Variants in AKIRIN2 observed in about 807,000 individuals in gnomAD.
AKIRIN2 encodes the protein akirin-2.
Under a neutral mutation model 29.3 loss-of-function variants are expected in AKIRIN2, and 6 were observed. The ratio of observed to expected loss-of-function variants is 0.20; its 90% CI spans 0.11 to 0.40. The LOEUF is 0.40. Ranked by LOEUF, AKIRIN2 falls within the 10% of genes least tolerant of loss-of-function variation. AKIRIN2 has a pLI of 1.00. For missense variants in AKIRIN2, 210 were observed against 276.1 expected (o/e 0.76, Z 1.70); for synonymous variants, 128 against 117.5 (o/e 1.09, Z -0.58).
intron 1 of AKIRIN2, among the ~76,000 whole-genome samples, chr6:87,699,418 C>G (rs1198530265): frequency 2.1e-5 from 3 of 146,106 alleles, no homozygotes; most frequent in Non-Finnish European, 4.5e-5. Flanking sequence ...CTTGTTTTCT[C>G]AAGTAAACTT....
chr6:87,701,271 G>A (rs1771459374), intron 1 of AKIRIN2, among the ~76,000 whole-genome samples, 179 bp downstream of exon 1: 2 of 152,100 alleles, frequency 1.3e-5, no homozygotes, highest in South Asian at 4.1e-4. Context: ...CATTTCTATT[G>A]TGTCTTATTA....
intron 3 of AKIRIN2, among the ~76,000 whole-genome samples, chr6:87,676,202 C>T (rs1018570934): frequency 3.9e-5 from 6 of 152,112 alleles, no homozygotes; most frequent in South Asian, 2.1e-4. Context: ...CGGTGGCTCA[C>T]GCCTGTAATC....
chr6:87,701,667 A>G lies in AKIRIN2; in HGVS notation c.18T>C (p.Thr6=). 6.8e-7 allele frequency: 1 copy of G among 1,459,930 alleles called. No homozygotes were observed. Among genetic ancestry groups the G allele is most frequent in the East Asian group, 2.7e-5 (1 of 36,934 alleles). The allele number at this position is 1,459,930 out of a possible 1,614,324, so 90.4% of individuals were successfully genotyped here. ...GGTCGAAATCCAGAGTCCTTTTCAG[A>G]GTGGCTCCGCACGCCATGGCCGGGG... MACGA[T]LKRTLDFDPL... The change falls in exon 1 of 5, where the codon ACT becomes ACC. Residue 6 remains threonine, a synonymous_variant. Transcript: ENST00000257787.
rs575882003 is a variant in AKIRIN2, at chr6:87,701,747, G to A, written c.-63C>T. 153 of 1,213,330 alleles carry A rather than the reference G, an allele frequency of 1.3e-4. 1 individual carries two copies. In the African/African-American group the frequency reaches 1.9e-3, roughly 15 times the overall value. 75.2% of individuals were successfully genotyped at this position (1,213,330 alleles called of 1,614,324 possible). ...CGGGGACGGGTGACGAAAGAAGAGGGTGAGGGAAGGGGTGAAGAGCGGGAA... is the reference window on the plus strand; with the variant it reads ...CGGGGACGGGTGACGAAAGAAGAGGATGAGGGAAGGGGTGAAGAGCGGGAA... On this transcript the variant is annotated 5_prime_UTR_variant, in exon 1 of 5. Coordinates refer to ENST00000257787, the MANE Select transcript of AKIRIN2 (RefSeq NM_018064.4).
chr6:87,681,551 A>C, intron 2 of AKIRIN2, 69 bp downstream of exon 2: 1 of 1,482,678 alleles, frequency 6.7e-7, no homozygotes. Flanking sequence ...TAAATGACTA[A>C]AGACAACTTG....
chr6:87,699,974 T>C (rs1771430881), intron 1 of AKIRIN2, among the ~76,000 whole-genome samples: 5 of 152,194 alleles, frequency 3.3e-5, no homozygotes, highest in Admixed American at 6.5e-5. Flanking sequence ...ACCATTTCAC[T>C]AAAAGACAAA....
Position 87,675,450 on chromosome 6 carries a change from T to C in AKIRIN2, c.*147A>G. ...CAGGGAAATTTCCAAAACCAGTTGC[T>C]GCTGCCTAAGAGTGGTTGCCACTGA... On this transcript the variant is annotated 3_prime_UTR_variant, in exon 5 of 5. Coordinates refer to ENST00000257787, the MANE Select transcript of AKIRIN2 (RefSeq NM_018064.4). 9.0e-7 allele frequency: 1 copy of C among 1,112,048 alleles called. No homozygotes were observed. The highest frequency in any genetic ancestry group is 1.3e-6 in the Non-Finnish European group (1 of 756,378). 68.9% of individuals were successfully genotyped at this position (1,112,048 alleles called of 1,614,324 possible).
rs1244563840 is a variant in AKIRIN2 at position 87,701,434 on chromosome 6, C to G, written c.235+16G>C. ...GTTCTCTCCACTACCCCGGCGGCCG[C>G]GGGGCCGGGTCCCACCTGTGGTGAG... On this transcript the variant is annotated intron_variant, in intron 1 of 4. Transcript: ENST00000257787. 3.9e-6 allele frequency: 6 copies of G among 1,530,970 alleles called. No homozygotes were observed. The highest frequency in any genetic ancestry group is 5.3e-6 in the Non-Finnish European group (6 of 1,141,084). The allele number at this position is 1,530,970 out of a possible 1,614,324, so 94.8% of individuals were successfully genotyped here.
chr6:87,683,866 G>A (rs372631621), intron 1 of AKIRIN2, among the ~76,000 whole-genome samples: 12 of 152,154 alleles, frequency 7.9e-5, no homozygotes, highest in African/African-American at 2.6e-4. Flanking sequence ...TGGTCAGGCC[G>A]GTCTCGAACT....
intron 1 of AKIRIN2, among the ~76,000 whole-genome samples, chr6:87,698,768 G>C (rs556564438): frequency 5.3e-5 from 8 of 152,124 alleles, no homozygotes; most frequent in Non-Finnish European, 1.2e-4. Context: ...GTATTAAGTT[G>C]CAACAGTTTG....
At chr6:87,694,178 A>T (rs1421165112) in intron 1 of AKIRIN2, among the ~76,000 whole-genome samples, 1 of 152,214 alleles carries the variant, frequency 6.6e-6, no homozygotes, top group African/African-American at 2.4e-5. Context: ...ACATTAACAG[A>T]AATGAAAATG....
rs1277369587 is a variant in AKIRIN2, at chr6:87,677,973, T to C, written c.380-6A>G. On this transcript the variant is annotated splice_region_variant and splice_polypyrimidine_tract_variant and intron_variant, in intron 2 of 4. Transcript: ENST00000257787. ...GGATGCTGCAGATGAAGTCCCTATG[T>C]ACAATGAGGACAAAAAATAGCACCT... 1.2e-6 allele frequency: 2 copies of C among 1,608,202 alleles called. No individual in the cohort carries two copies. Among genetic ancestry groups the C allele is most frequent in the Non-Finnish European group, 1.7e-6 (2 of 1,177,410 alleles).
At position 87,681,084 on chromosome 6, in the gene AKIRIN2, C is replaced by G. The variant is rs922431659; in HGVS notation, c.379+536G>C. On this transcript the variant is annotated intron_variant, in intron 2 of 4. Transcript: ENST00000257787. ...ACAAAGTCTCACTCTGTCGCCCAAG[C>G]TGGAGTGCAGTGGCATGATCTCAGC... 1.2e-4 allele frequency among the ~76,000 whole-genome samples: 19 copies of G among 152,172 alleles called. No homozygotes were observed. In the East Asian group the frequency reaches 3.7e-3, roughly 29 times the overall value.
intron 1 of AKIRIN2, among the ~76,000 whole-genome samples, 193 bp from the exon 2 acceptor site, chr6:87,681,956 G>C (rs1771128729): frequency 6.6e-6 from 1 of 152,152 alleles, no homozygotes; most frequent in African/African-American, 2.4e-5. Flanking sequence ...ACACCAACTG[G>C]AATTCAGCTG....
chr6:87,695,292 G>A (rs1771342946), intron 1 of AKIRIN2, among the ~76,000 whole-genome samples: 1 of 150,896 alleles, frequency 6.6e-6, no homozygotes, highest in Non-Finnish European at 1.5e-5. Context: ...ACGACTCGTT[G>A]GAGTCACATT....
rs557556040 is a variant in AKIRIN2 at position 87,675,360 on chromosome 6, C to A, written c.*237G>T. The stretch of plus-strand genomic sequence containing the variant: ...TATAAGAAGCCAAATTGTAATGATA[C>A]AGCAAAATGAGGCCACTGGTATTAA... On this transcript the variant is annotated 3_prime_UTR_variant, in exon 5 of 5. Coordinates refer to ENST00000257787, the MANE Select transcript of AKIRIN2 (RefSeq NM_018064.4). 35 of 548,226 alleles carry A rather than the reference C, an allele frequency of 6.4e-5. 1 individual carries two copies. The South Asian group carries it at 9.9e-4, about 16-fold the overall frequency. 34.0% of individuals were successfully genotyped at this position (548,226 alleles called of 1,614,324 possible).
chr6:87,688,682 G>T (rs996202838), intron 1 of AKIRIN2, among the ~76,000 whole-genome samples: 3 of 152,126 alleles, frequency 2.0e-5, no homozygotes, highest in African/African-American at 7.2e-5. Flanking sequence ...CCCGGGGGGA[G>T]GTGGAGGTTG....
At chr6:87,689,982 C>T (rs1231917026) in intron 1 of AKIRIN2, among the ~76,000 whole-genome samples, 2 of 152,142 alleles carry the variant, frequency 1.3e-5, no homozygotes, top group Non-Finnish European at 2.9e-5. Context: ...GAGGCCAAGG[C>T]AGTTGGTCAC....
chr6:87,676,779 TA>T (rs927940404), intron 3 of AKIRIN2, among the ~76,000 whole-genome samples: 16 of 122,156 alleles, frequency 1.3e-4, no homozygotes, highest in Middle Eastern at 6.5e-3. Flanking sequence ...GACTCCATCT[TA>T]AAAAAAAAAC....
Sources: gnomAD v4.1 joint callset for allele counts (sites outside exome capture counted in the v4.1 genomes callset) on GRCh38, gnomAD v4.1.1 for gene constraint, MANE v1.5 for transcripts, NCBI Gene and HGNC (gene_info 2026-07-23, HGNC 2026-07-21) for gene names.